The following MECR variants were observed in gnomAD, a reference collection of about 807,000 sequenced individuals.
MECR encodes the protein mitochondrial trans-2-enoyl-CoA reductase.
A neutral mutation model predicts 49.1 loss-of-function variants in MECR; 37 were observed. The ratio of observed to expected loss-of-function variants is 0.75; its 90% CI spans 0.58 to 0.99. The LOEUF (loss-of-function observed/expected upper bound fraction) is 0.99. Among genes scored for constraint, MECR ranks in the 50% least tolerant of loss-of-function variants. MECR has a pLI of 0.00. For missense variants in MECR, 470 were observed against 479.6 expected (o/e 0.98, Z 0.19); for synonymous variants, 198 against 191.1 (o/e 1.04, Z -0.30).
In MECR at chr1:29,193,981, TC is replaced by T. The variant is rs766476129; in HGVS notation, c.*40del. ...AGGGGCCTGCACCCAGCCCCTCAGA[TC>T]CGCCTCCCCTCCCATGTCACTCCAG... is the stretch of plus-strand genomic sequence containing the variant. On this transcript the variant is annotated 3_prime_UTR_variant, in exon 10 of 10. Coordinates refer to ENST00000263702, the MANE Select transcript of MECR (RefSeq NM_016011.5). 9.9e-6 allele frequency: 16 copies of T among 1,612,164 alleles called. No individual in the cohort carries two copies. Among genetic ancestry groups the T allele is most frequent in the Non-Finnish European group, 1.3e-5 (15 of 1,179,424 alleles).
chr1:29,186,400 A>G, the MECR span, among the ~76,000 whole-genome samples: 3 of 152,090 alleles, frequency 2.0e-5, no homozygotes, highest in African/African-American at 4.8e-5. Context: ...GTTGTTTGTC[A>G]TATTTCACAA....
intron 1 of MECR, among the ~76,000 whole-genome samples, chr1:29,217,278 C>T (rs1299791360): frequency 4.1e-5 from 6 of 147,424 alleles, no homozygotes; most frequent in South Asian, 4.4e-4. Context: ...GACACAATCT[C>T]GGCTCACTAA....
intron 7 of MECR, among the ~76,000 whole-genome samples, chr1:29,197,037 T>C (rs1325689950): frequency 6.6e-6 from 1 of 152,052 alleles, no homozygotes. Flanking sequence ...ACCAGATTCC[T>C]AGGTCCAATC....
chr1:29,179,844 C>T, the MECR span, among the ~76,000 whole-genome samples: 1 of 152,186 alleles, frequency 6.6e-6, no homozygotes, highest in African/African-American at 2.4e-5. Context: ...TCTGCCTCCT[C>T]CCCCAATTCA....
At chr1:29,188,317 C>T (rs970209578), downstream of MECR, among the ~76,000 whole-genome samples, 5 of 150,816 alleles carry the variant, frequency 3.3e-5, no homozygotes, top group Admixed American at 2.6e-4. Context: ...AGCATCCCAA[C>T]GAGCTGGGAT....
chr1:29,206,780 A>T lies in MECR; in HGVS notation c.532T>A (p.Phe178Ile). Residue 178 changes from phenylalanine to isoleucine, a missense_variant, in exon 4 of 10, where the codon TTC becomes ATC. Transcript: ENST00000263702. ...TTCCTACCTGGCTGCAGTTGCTCGA[A>T]GTCCATCAACATCCTGTAGGCTGTG... Reference protein sequence around the residue: ...PCTAYRMLMDFEQLQPGDSVI... With the variant: ...PCTAYRMLMDIEQLQPGDSVI... 1.2e-6 allele frequency: 2 copies of T among 1,614,084 alleles called. No homozygotes were observed. The highest frequency in any genetic ancestry group is 8.5e-7 in the Non-Finnish European group (1 of 1,179,980).
intron 3 of MECR, among the ~76,000 whole-genome samples, chr1:29,213,615 G>A (rs1202619901): frequency 6.6e-6 from 1 of 152,258 alleles, no homozygotes; most frequent in African/African-American, 2.4e-5. Context: ...GGTTGTGCTG[G>A]ACATGATTGT....
intron 7 of MECR, 83 bp downstream of exon 7, chr1:29,200,433 T>C: frequency 7.5e-7 from 1 of 1,332,676 alleles, no homozygotes; most frequent in Non-Finnish European, 1.1e-6. Context: ...GAACTGGCGA[T>C]GGGACTCAGT....
At chr1:29,199,728 C>T (rs567745944) in intron 7 of MECR, among the ~76,000 whole-genome samples, 340 of 151,578 alleles carry the variant, frequency 2.2e-3, no homozygotes, top group Non-Finnish European at 3.7e-3. Flanking sequence ...AAATGATTCT[C>T]GTGACTCAGC....
the MECR span, among the ~76,000 whole-genome samples, chr1:29,180,214 A>AAAT: frequency 6.6e-6 from 1 of 152,204 alleles, no homozygotes; most frequent in Admixed American, 6.5e-5. Flanking sequence ...TTTGTCCACA[A>AAAT]AAGTTAGTTA....
chr1:29,215,577 AAAAC>A (rs991551098), intron 3 of MECR, among the ~76,000 whole-genome samples: 4 of 151,356 alleles, frequency 2.6e-5, no homozygotes, highest in African/African-American at 9.7e-5. Context: ...GTCTCAAAAA[AAAAC>A]AAAACAAGGC....
Position 29,202,000 on chromosome 1 carries a change from A to G in MECR, c.699T>C (p.Ala233=), listed in dbSNP as rs1281540471. Residue 233 remains alanine, a synonymous_variant, in exon 6 of 10, where the codon GCT becomes GCC. Transcript: ENST00000263702. This position sits in a 1 kb window ranked among gnomAD's most constrained non-coding sequence, Gnocchi z 4.3. ...GCTCCTCTTCTGTGATGACATGCTCAGCCCCCAGACTCTTCAGTCTGTCAC... is the reference window on the plus strand; with the variant it reads ...GCTCCTCTTCTGTGATGACATGCTCGGCCCCCAGACTCTTCAGTCTGTCAC... ...KLSDRLKSLG[A]EHVITEEELR... The G allele has an allele frequency of 3.1e-6, 5 of 1,614,066 alleles. No homozygotes were observed. The highest frequency in any genetic ancestry group is 1.1e-5 in the South Asian group (1 of 91,090).
downstream of MECR, among the ~76,000 whole-genome samples, chr1:29,190,917 C>T (rs1044671537): frequency 2.6e-5 from 4 of 152,062 alleles, no homozygotes; most frequent in Admixed American, 1.3e-4. Flanking sequence ...GTGTTTATTC[C>T]GGCCTGCCAT....
intron 1 of MECR, among the ~76,000 whole-genome samples, chr1:29,225,392 C>T (rs1347670051): frequency 1.3e-5 from 2 of 152,116 alleles, no homozygotes; most frequent in East Asian, 1.9e-4. Flanking sequence ...TCAGTTTACA[C>T]CCTGTCTCTT....
At chr1:29,207,832 A>G (rs1676996098) in intron 3 of MECR, among the ~76,000 whole-genome samples, 1 of 152,166 alleles carries the variant, frequency 6.6e-6, no homozygotes, top group African/African-American at 2.4e-5. Context: ...CTGAGTTACC[A>G]TTAGATTTAG....
intron 2 of MECR, 36 bp from the exon 3 acceptor site, chr1:29,216,172 T>C (rs1420020074): frequency 1.2e-6 from 2 of 1,611,672 alleles, no homozygotes; most frequent in South Asian, 1.1e-5. Context: ...CAACCAGTGA[T>C]GTTTGGGCAG....
chr1:29,184,877 C>A, the MECR span, among the ~76,000 whole-genome samples: 2 of 152,178 alleles, frequency 1.3e-5, no homozygotes, highest in Admixed American at 1.3e-4. Flanking sequence ...GTAATCCCAG[C>A]ACTTTGGGAG....
At chr1:29,173,068 CT>C in the MECR span, 1 of 149,838 alleles carries the variant, frequency 6.7e-6, no homozygotes, top group African/African-American at 2.5e-5. Flanking sequence ...TCACTTTATG[CT>C]TTCATAATAT....
At position 29,201,566 on chromosome 1, in the gene MECR, C is replaced by T. The variant is rs558780217; in HGVS notation, c.756+377G>A. The T allele has an allele frequency of 2.1e-4, 96 of 461,880 alleles. No homozygotes were observed. The highest frequency in any genetic ancestry group is 1.8e-3 in the African/African-American group (90 of 49,330). The allele number at this position is 461,880 out of a possible 1,614,324, so 28.6% of individuals were successfully genotyped here. Reference sequence around the variant, plus strand: ...TTTGAAAAGCTTTTGTGGAAATCATCAGATAAAATGTAAGGCAGGTGGTTG... The same window carrying T: ...TTTGAAAAGCTTTTGTGGAAATCATTAGATAAAATGTAAGGCAGGTGGTTG... On this transcript the variant is annotated intron_variant, in intron 6 of 9. Transcript: ENST00000263702. The surrounding 1 kb of genome is among the most constrained non-coding windows in gnomAD (Gnocchi z 4.3).
Sources: gnomAD v4.1 joint callset for allele counts (sites outside exome capture counted in the v4.1 genomes callset) on GRCh38, gnomAD v4.1.1 for gene constraint, Gnocchi (gnomAD v3.1) non-coding constraint, MANE v1.5 for transcripts, NCBI Gene and HGNC (gene_info 2026-07-23, HGNC 2026-07-21) for gene names.